The following GRID2 variants were observed in gnomAD, a reference collection of about 807,000 sequenced individuals.
GRID2 encodes the protein glutamate ionotropic receptor delta type subunit 2, also known as glutamate receptor ionotropic, delta-2.
A neutral mutation model predicts 114.8 loss-of-function variants in GRID2; 33 were observed. The observed-to-expected ratio is 0.29, with a 90% CI of 0.22 to 0.38. The LOEUF (loss-of-function observed/expected upper bound fraction) is 0.38. GRID2 is among the 10% of genes least tolerant of loss of function. The probability of loss-of-function intolerance (pLI) is 1.00; values close to 1 mark genes in which losing one functional copy is unlikely to be tolerated. For missense variants in GRID2, 1,184 were observed against 1,257.7 expected (o/e 0.94, Z 0.89); for synonymous variants, 505 against 449.9 (o/e 1.12, Z -1.55).
rs1202630962 is a variant in GRID2 at position 93,774,333 on chromosome 4, C to G, written c.*1835C>G. 1 of 151,852 alleles carries G rather than the reference C, an allele frequency of 6.6e-6. No individual in the cohort carries two copies. Among genetic ancestry groups the G allele is most frequent in the Non-Finnish European group, 1.5e-5 (1 of 67,900 alleles). 9.4% of individuals were successfully genotyped at this position (151,852 alleles called of 1,614,324 possible). A position where few individuals can be genotyped will look rare whatever the true frequency, so the allele number is the denominator to read the frequency against. On this transcript the variant is annotated 3_prime_UTR_variant, in exon 16 of 16. Transcript: ENST00000282020. ...CTCATTTACAACTCTGATTTTAAAA[C>G]AAAAAAATCTTTACAACAAGCTATA...
chr4:92,971,402 G>A (rs1753508349), intron 2 of GRID2, among the ~76,000 whole-genome samples: 1 of 151,746 alleles, frequency 6.6e-6, no homozygotes, highest in African/African-American at 2.4e-5. Context: ...AAAATTGCTA[G>A]TTTTTTTCCT....
At chr4:92,780,686 G>A (rs1739026887) in intron 2 of GRID2, among the ~76,000 whole-genome samples, 1 of 152,024 alleles carries the variant, frequency 6.6e-6, no homozygotes, top group African/African-American at 2.4e-5. Flanking sequence ...ACCCTGGCAA[G>A]GTTTCTGTCC....
At chr4:92,796,179 C>G (rs1739861985) in intron 2 of GRID2, among the ~76,000 whole-genome samples, 1 of 151,874 alleles carries the variant, frequency 6.6e-6, no homozygotes, top group Admixed American at 6.6e-5. Context: ...TGCAATGAGT[C>G]TTAAAGGTCT....
At chr4:93,196,097 C>T (rs905254514) in intron 4 of GRID2, among the ~76,000 whole-genome samples, 1 of 152,130 alleles carries the variant, frequency 6.6e-6, no homozygotes, top group Non-Finnish European at 1.5e-5. Flanking sequence ...TATACTTCAT[C>T]CTAGTGAAAT....
chr4:93,589,117 C>T (rs567533256), intron 13 of GRID2, among the ~76,000 whole-genome samples: 4 of 151,808 alleles, frequency 2.6e-5, no homozygotes, highest in South Asian at 4.2e-4. Flanking sequence ...TAGTTACATA[C>T]GTATACGTGT....
At chr4:92,713,476 CATATATATATATATATATATATATATAT>C (rs10593127) in intron 2 of GRID2, among the ~76,000 whole-genome samples, 33 of 54,064 alleles carry the variant, frequency 6.1e-4, no homozygotes, top group African/African-American at 1.8e-3. Context: ...TATACATATA[CATATATATATATATATATATATATATAT>C]ATATATATAT....
rs536816828 is a variant in GRID2 at position 92,736,908 on chromosome 4, A to C, written c.244+146622A>C. Among the ~76,000 whole-genome samples, 11 of 152,252 alleles carry C rather than the reference A, an allele frequency of 7.2e-5. No individual in the cohort carries two copies. In the South Asian group the frequency reaches 2.1e-3, roughly 29 times the overall value. On this transcript the variant is annotated intron_variant, in intron 2 of 15. Coordinates refer to ENST00000282020, the MANE Select transcript of GRID2 (RefSeq NM_001510.4). Reference sequence around the variant, plus strand: ...AATTCTAAAATACATCAGCCTTAGCAAAACAAGGTATGTGCTGAGAGATGG... The same window carrying C: ...AATTCTAAAATACATCAGCCTTAGCCAAACAAGGTATGTGCTGAGAGATGG...
intron 2 of GRID2, among the ~76,000 whole-genome samples, chr4:92,916,288 C>A (rs1055039755): frequency 6.6e-6 from 1 of 152,016 alleles, no homozygotes; most frequent in Non-Finnish European, 1.5e-5. Flanking sequence ...CTGCATATGG[C>A]TAGCCAGTTA....
intron 14 of GRID2, among the ~76,000 whole-genome samples, chr4:93,714,141 C>T (rs897513598): frequency 2.6e-5 from 4 of 151,984 alleles, no homozygotes; most frequent in Non-Finnish European, 4.4e-5. Context: ...TCCCTGTGTC[C>T]GTGCGTTCTC....
At chr4:93,666,482 G>C (rs899195572) in intron 14 of GRID2, among the ~76,000 whole-genome samples, 2 of 151,998 alleles carry the variant, frequency 1.3e-5, no homozygotes, top group African/African-American at 4.8e-5. Context: ...GTTAGATTTG[G>C]GCGATTTGAA....
chr4:93,084,710 A>G (rs140426192), intron 2 of GRID2, among the ~76,000 whole-genome samples: 57 of 152,330 alleles, frequency 3.7e-4, no homozygotes, highest in African/African-American at 1.4e-3. Context: ...AATCCTTGCA[A>G]TAATCCTGCG....
Position 93,093,445 on chromosome 4 carries a change from C to A in GRID2, c.529+8166C>A, listed in dbSNP as rs552624848. On this transcript the variant is annotated intron_variant, in intron 3 of 15. Coordinates refer to ENST00000282020, the MANE Select transcript of GRID2 (RefSeq NM_001510.4). ...CCAACATAGCGATAGGGATCTCTTTCTGGGGAGAGAAGAAGCATGTCTCTA... is the reference window on the plus strand; with the variant it reads ...CCAACATAGCGATAGGGATCTCTTTATGGGGAGAGAAGAAGCATGTCTCTA... Among the ~76,000 whole-genome samples, 7 of 152,100 alleles carry A rather than the reference C, an allele frequency of 4.6e-5. No individual in the cohort carries two copies. In the South Asian group the frequency reaches 1.2e-3, roughly 27 times the overall value.
chr4:93,401,108 C>A (rs1216246196), intron 9 of GRID2, among the ~76,000 whole-genome samples: 1 of 152,098 alleles, frequency 6.6e-6, no homozygotes, highest in Admixed American at 6.6e-5. Context: ...GTATGAGCCA[C>A]CGCACCCATC....
intron 14 of GRID2, among the ~76,000 whole-genome samples, chr4:93,680,575 C>A (rs1202034277): frequency 2.0e-5 from 3 of 151,562 alleles, no homozygotes; most frequent in African/African-American, 7.3e-5. Context: ...AAAAGCTTAT[C>A]CACCATGATC....
intron 8 of GRID2, among the ~76,000 whole-genome samples, chr4:93,337,311 A>G (rs1307047382): frequency 6.6e-6 from 1 of 152,218 alleles, no homozygotes; most frequent in Non-Finnish European, 1.5e-5. Flanking sequence ...GCCAAGAGAC[A>G]TGAGATTCCT....
intron 2 of GRID2, among the ~76,000 whole-genome samples, chr4:92,946,086 A>G (rs769058537): frequency 1.3e-5 from 2 of 152,066 alleles, no homozygotes; most frequent in African/African-American, 2.4e-5. Flanking sequence ...TCATATGAGG[A>G]GAAAATTTAA....
At chr4:92,482,497 C>T (rs941255180) in intron 1 of GRID2, among the ~76,000 whole-genome samples, 4 of 152,154 alleles carry the variant, frequency 2.6e-5, no homozygotes, top group Non-Finnish European at 5.9e-5. Context: ...TCTATTCTTG[C>T]ACCTTCTCCT....
intron 1 of GRID2, among the ~76,000 whole-genome samples, chr4:92,305,495 C>G (rs530295212): frequency 3.3e-5 from 5 of 152,138 alleles, no homozygotes; most frequent in Admixed American, 6.5e-5. Flanking sequence ...AGGCTGCTCC[C>G]GAGGTCTGCT....
intron 1 of GRID2, among the ~76,000 whole-genome samples, chr4:93,801,088 A>T (rs1355409690): frequency 1.3e-5 from 2 of 152,116 alleles, no homozygotes; most frequent in Non-Finnish European, 2.9e-5. Flanking sequence ...CTAGTAACAA[A>T]TTATTTTTTC....
Sources: allele counts gnomAD v4.1 joint callset (sites outside exome capture counted in the v4.1 genomes callset), GRCh38; gene constraint gnomAD v4.1.1; transcripts MANE v1.5; gene names NCBI Gene and HGNC (gene_info 2026-07-23, HGNC 2026-07-21).